SBF2: variants seen among roughly 807,000 people sequenced by gnomAD.
The protein encoded by SBF2 is SET binding factor 2.
In SBF2, 112 loss-of-function variants were observed where a neutral mutation model predicts 225.2. The observed-to-expected ratio is 0.50, with a 90% CI of 0.43 to 0.58. The LOEUF is 0.58. Among genes scored for constraint, SBF2 ranks in the 20% least tolerant of loss-of-function variants. The pLI is 0.00. For synonymous variants in SBF2, 763 were observed against 773.3 expected, an observed-to-expected ratio of 0.99 and a Z score of 0.22; for missense variants, 1,996 against 2,206.2, an observed-to-expected ratio of 0.90 and a Z score of 1.91.
chr11:10,011,029 G>A (rs1399237650), intron 6 of SBF2, among the ~76,000 whole-genome samples: 2 of 151,970 alleles, frequency 1.3e-5, no homozygotes, highest in Middle Eastern at 3.2e-3. Flanking sequence ...TCATGATTTG[G>A]CTGTTTGTCT....
chr11:10,080,248 CAAAAAAAAA>C (rs34181436), intron 2 of SBF2, among the ~76,000 whole-genome samples: 3 of 82,226 alleles, frequency 3.6e-5, no homozygotes, highest in Non-Finnish European at 6.8e-5. Flanking sequence ...AACTCTGTCT[CAAAAAAAAA>C]AAAAAAAAAA....
chr11:10,194,835 C>T (rs533572784), intron 1 of SBF2, among the ~76,000 whole-genome samples: 1 of 152,058 alleles, frequency 6.6e-6, no homozygotes, highest in African/African-American at 2.4e-5. Context: ...CTGACTGATA[C>T]GTATGAAAAG....
chr11:10,175,792 C>A (rs1042168484), intron 2 of SBF2, among the ~76,000 whole-genome samples: 2 of 151,854 alleles, frequency 1.3e-5, no homozygotes, highest in African/African-American at 4.8e-5. Context: ...TGTAAAAGAA[C>A]AGAAATTATA....
intron 2 of SBF2, among the ~76,000 whole-genome samples, chr11:10,080,121 GC>G (rs1342416379): frequency 6.6e-6 from 1 of 151,740 alleles, no homozygotes; most frequent in Non-Finnish European, 1.5e-5. Context: ...GGTAGTGTGT[GC>G]CTGTAGTCTC....
chr11:10,017,218 G>C (rs1355294981), intron 6 of SBF2, among the ~76,000 whole-genome samples: 2 of 152,146 alleles, frequency 1.3e-5, no homozygotes, highest in African/African-American at 4.8e-5. Context: ...ACTTTCTCCA[G>C]ACTCCTGCAT....
At chr11:10,115,648 A>G (rs906069390) in intron 2 of SBF2, among the ~76,000 whole-genome samples, 2 of 152,184 alleles carry the variant, frequency 1.3e-5, no homozygotes, top group African/African-American at 4.8e-5. Context: ...TACTTCTTCA[A>G]TTATTAACAT....
At chr11:10,091,720 A>G (rs1407957678) in intron 2 of SBF2, among the ~76,000 whole-genome samples, 1 of 152,216 alleles carries the variant, frequency 6.6e-6, no homozygotes, top group Non-Finnish European at 1.5e-5. Flanking sequence ...CAGGTATTCA[A>G]CCATTACTTG....
At position 10,028,503 on chromosome 11, in the gene SBF2, C is replaced by G. The variant is rs201738577; in HGVS notation, c.568G>C (p.Asp190His). ...DRQLIQTPLH[D>H]SLPITGTSVA... ...CTAGTGCCCGTGATAGGAAGACTAT[C>G]ATGTAAAGGAGTCTGGATCAACTGT... The change falls in exon 6 of 40, where the codon GAT becomes CAT. Residue 190 changes from aspartate to histidine, a missense_variant. Asp to His is a moderately conservative substitution (Grantham distance 81). Transcript: ENST00000256190. The G allele has an allele frequency of 6.2e-7, 1 of 1,613,846 alleles. No individual in the cohort carries two copies.
rs1241643036 is a variant in SBF2 at position 10,266,671 on chromosome 11, C to T, written c.55+27344G>A. Among the ~76,000 whole-genome samples the T allele has an allele frequency of 5.3e-5, 8 of 152,252 alleles. No homozygotes were observed. In the East Asian group the frequency reaches 1.3e-3, roughly 26 times the overall value. On this transcript the variant is annotated intron_variant, in intron 1 of 39. Transcript: ENST00000256190. ...CACTTGATTAGTTATTTCCTAACAGCTATGATGATGATGACAGTGATGATG... is the reference window on the plus strand; with the variant it reads ...CACTTGATTAGTTATTTCCTAACAGTTATGATGATGATGACAGTGATGATG...
intron 1 of SBF2, among the ~76,000 whole-genome samples, chr11:10,209,680 A>C (rs1009431083): frequency 6.6e-6 from 1 of 152,056 alleles, no homozygotes; most frequent in Non-Finnish European, 1.5e-5. Flanking sequence ...ATTTCTATAA[A>C]ATCTGTATCT....
intron 25 of SBF2, among the ~76,000 whole-genome samples, chr11:9,840,947 T>C (rs1856090080): frequency 2.0e-5 from 3 of 151,652 alleles, no homozygotes; most frequent in South Asian, 4.2e-4. Context: ...TAATTGGTAC[T>C]GCATGTTCTA....
intron 3 of SBF2, among the ~76,000 whole-genome samples, chr11:10,035,383 G>C (rs888834200): frequency 1.6e-4 from 24 of 152,116 alleles, no homozygotes; most frequent in African/African-American, 7.2e-5. Context: ...AACACCAAAA[G>C]CAATGGCAAC....
intron 2 of SBF2, among the ~76,000 whole-genome samples, chr11:10,072,213 T>C (rs7946995): frequency 0.29 from 43,628 of 152,120 alleles, 6,443 homozygotes; most frequent in Admixed American, 0.36. Context: ...AAATATCTTT[T>C]ATATCTTATA....
chr11:10,036,346 G>C (rs1249988997), intron 3 of SBF2, among the ~76,000 whole-genome samples: 1 of 151,950 alleles, frequency 6.6e-6, no homozygotes, highest in Non-Finnish European at 1.5e-5. Context: ...AACCACCATG[G>C]CACATGTATA....
chr11:9,908,441 C>A (rs1014561471), intron 16 of SBF2, among the ~76,000 whole-genome samples: 2 of 151,968 alleles, frequency 1.3e-5, no homozygotes, highest in African/African-American at 4.8e-5. Flanking sequence ...CTGGCTAACA[C>A]GGTGAAACCC....
intron 2 of SBF2, among the ~76,000 whole-genome samples, chr11:10,048,494 A>T (rs546674203): frequency 6.6e-6 from 1 of 152,324 alleles, no homozygotes; most frequent in East Asian, 1.9e-4. Flanking sequence ...TTAATTGAAA[A>T]GGCCCTTGAT....
At chr11:10,156,609 T>A (rs1591086551) in intron 2 of SBF2, among the ~76,000 whole-genome samples, 1 of 152,258 alleles carries the variant, frequency 6.6e-6, no homozygotes, top group African/African-American at 2.4e-5. Context: ...GGCCTGCCTG[T>A]GGCCACACAT....
chr11:10,159,152 C>T (rs911925457), intron 2 of SBF2, among the ~76,000 whole-genome samples: 4 of 152,134 alleles, frequency 2.6e-5, no homozygotes, highest in African/African-American at 2.4e-5. Context: ...CTAACTTAAC[C>T]GACTCCATCT....
chr11:10,184,632 CT>C (rs1362823932), intron 2 of SBF2, among the ~76,000 whole-genome samples: 3 of 152,202 alleles, frequency 2.0e-5, no homozygotes, highest in Non-Finnish European at 2.9e-5. Flanking sequence ...TCCCCAGCCC[CT>C]GGCAACCACC....
Sources: allele counts gnomAD v4.1 joint callset (sites outside exome capture counted in the v4.1 genomes callset), GRCh38; gene constraint gnomAD v4.1.1; transcripts MANE v1.5; gene names NCBI Gene and HGNC (gene_info 2026-07-23, HGNC 2026-07-21).